The following AGFG2 variants were observed in gnomAD, a reference collection of about 807,000 sequenced individuals.
AGFG2 encodes the protein arf-GAP domain and FG repeat-containing protein 2.
A neutral mutation model predicts 48.0 loss-of-function variants in AGFG2; 31 were observed. That is an observed-to-expected ratio of 0.65 (90% CI 0.49 to 0.87). The LOEUF (loss-of-function observed/expected upper bound fraction) is 0.87, where lower values mean the gene tolerates loss of function less well. Ranked by LOEUF, AGFG2 falls within the 40% of genes least tolerant of loss-of-function variation. The pLI, the probability that AGFG2 is intolerant of heterozygous loss-of-function variation, is 0.00. For synonymous variants in AGFG2, 229 were observed against 260.8 expected (o/e 0.88, Z 1.18); for missense variants, 599 against 632.6 (o/e 0.95, Z 0.57).
At position 100,562,841 on chromosome 7, in the gene AGFG2, G is replaced by A. The variant is rs1359461390; in HGVS notation, c.1088-22G>A. On this transcript the variant is annotated intron_variant, in intron 8 of 11. Coordinates refer to ENST00000300176, the MANE Select transcript of AGFG2 (RefSeq NM_006076.5). This position sits in a 1 kb window ranked among gnomAD's most constrained non-coding sequence, Gnocchi z 5.4. Reference sequence around the variant, plus strand: ...AGTAACCATCTCTCTCTTTCCTGCCGCTCCCCATTCCACCTGGGCAGCCTT... The same window carrying A: ...AGTAACCATCTCTCTCTTTCCTGCCACTCCCCATTCCACCTGGGCAGCCTT... The A allele has an allele frequency of 2.5e-6, 4 of 1,612,546 alleles. No individual in the cohort carries two copies. The highest frequency in any genetic ancestry group is 2.2e-5 in the South Asian group (2 of 91,044).
chr7:100,562,372 C>G lies in AGFG2; in HGVS notation c.991C>G (p.Pro331Ala), dbSNP rs1025245229. The G allele has an allele frequency of 6.2e-7, 1 of 1,613,430 alleles. No homozygotes were observed. The highest frequency in any genetic ancestry group is 8.5e-7 in the Non-Finnish European group (1 of 1,179,756). Residue 331 changes from proline (P) to alanine (A), a missense_variant, in exon 7 of 12, where the codon CCT becomes GCT. Transcript: ENST00000300176. This position sits in a 1 kb window ranked among gnomAD's most constrained non-coding sequence, Gnocchi z 5.4. ...LGPGVPAAGVPSSLFGMAGQV... is the reference protein window; with the variant it reads ...LGPGVPAAGVASSLFGMAGQV... ...ACCCGGGGTGCCCGCTGCAGGTGTT[C>G]CTAGCAGGTAGGTACAGACAGTGGG...
At chr7:100,543,746 T>A (rs971938854) in intron 1 of AGFG2, among the ~76,000 whole-genome samples, 7 of 152,244 alleles carry the variant, frequency 4.6e-5, no homozygotes, top group Non-Finnish European at 8.8e-5. Context: ...TTTTCTCAGC[T>A]GTAGCAAAAA....
rs1312125790 is a variant in AGFG2 at position 100,539,226 on chromosome 7, G to C, written c.-121G>C. ...GTGGTGGACGGCGAAGTCTCCTGCG[G>C]ATGCCGCCCGCTCCCGAGCTTCTGT... On this transcript the variant is annotated 5_prime_UTR_variant, in exon 1 of 12. Transcript: ENST00000300176. 3.8e-6 allele frequency: 4 copies of C among 1,047,118 alleles called. No homozygotes were observed. Among genetic ancestry groups the C allele is most frequent in the East Asian group, 6.5e-5 (2 of 30,906 alleles). The allele number at this position is 1,047,118 out of a possible 1,614,324, so 64.9% of individuals were successfully genotyped here.
Position 100,548,867 on chromosome 7 carries a change from A to G in AGFG2, c.267A>G (p.Thr89=). ...PPHRVKSISM[T]TFTEPEVVFL... is the part of the protein sequence containing the mutation. ...ATCGTGTCAAGTCAATCTCCATGAC[A>G]ACTTTCACTGAGCCTGAAGTAGTAT... is the stretch of plus-strand genomic sequence containing the variant. Residue 89 remains threonine, a synonymous_variant, in exon 2 of 12, where the codon ACA becomes ACG. Coordinates refer to ENST00000300176, the MANE Select transcript of AGFG2 (RefSeq NM_006076.5). 1.2e-6 allele frequency: 2 copies of G among 1,613,852 alleles called. No homozygotes were observed. The highest frequency in any genetic ancestry group is 1.7e-6 in the Non-Finnish European group (2 of 1,179,854).
chr7:100,564,004 C>G (rs955536940), intron 10 of AGFG2, 42 bp downstream of exon 10: 1 of 1,597,328 alleles, frequency 6.3e-7, no homozygotes, highest in Admixed American at 1.7e-5. Flanking sequence ...CCCATCCCAT[C>G]TCTGCATAGA....
At chr7:100,543,787 A>G (rs1051261910) in intron 1 of AGFG2, among the ~76,000 whole-genome samples, 15 of 152,180 alleles carry the variant, frequency 9.9e-5, no homozygotes, top group African/African-American at 3.6e-4. Context: ...GGTTGAGAGA[A>G]AGGCTGCTAG....
rs779138734 is a variant in AGFG2 at position 100,548,838 on chromosome 7, C to G, written c.238C>G (p.Pro80Ala). 6.2e-7 allele frequency: 1 copy of G among 1,613,390 alleles called. No individual in the cohort carries two copies. The highest frequency in any genetic ancestry group is 1.7e-5 in the Admixed American group (1 of 59,972). ...CSGLLRGLNP[P>A]HRVKSISMTT... is the part of the protein sequence containing the mutation. ...CTCCCATAGGAGAGGGCTGAACCCC[C>G]CTCATCGTGTCAAGTCAATCTCCAT... Residue 80 changes from proline (P) to alanine (A), a missense_variant, in exon 2 of 12, where the codon CCT becomes GCT. Pro to Ala is a conservative substitution (Grantham distance 27). Coordinates refer to ENST00000300176, the MANE Select transcript of AGFG2 (RefSeq NM_006076.5).
intron 3 of AGFG2, among the ~76,000 whole-genome samples, chr7:100,550,912 G>T (rs1233052770): frequency 6.8e-6 from 1 of 146,748 alleles, no homozygotes; most frequent in Non-Finnish European, 1.5e-5. Flanking sequence ...CCAGGCTAGA[G>T]TGCAGTGCCA....
intron 5 of AGFG2, 136 bp from the exon 6 acceptor site, chr7:100,555,474 T>C: frequency 2.2e-6 from 2 of 900,120 alleles, no homozygotes; most frequent in African/African-American, 1.7e-5. Context: ...GATTTCACCA[T>C]GTTGACCAGG....
At position 100,562,363 on chromosome 7, in the gene AGFG2, GC is replaced by G; in HGVS notation, c.983del (p.Ala328GlufsTer69). ...GSFLGPGVPA[A>X]GVPSSLFGMA... ...CTTCCTGGGACCCGGGGTGCCCGCT[GC>G]AGGTGTTCCTAGCAGGTAGGTACAG... On this transcript the variant is annotated frameshift_variant, in exon 7 of 12. Coordinates refer to ENST00000300176, the MANE Select transcript of AGFG2 (RefSeq NM_006076.5). LOFTEE classifies it high-confidence loss of function. This position sits in a 1 kb window ranked among gnomAD's most constrained non-coding sequence, Gnocchi z 5.4. 1.2e-6 allele frequency: 2 copies of G among 1,613,670 alleles called. No individual in the cohort carries two copies. The highest frequency in any genetic ancestry group is 3.3e-4 in the Middle Eastern group (2 of 6,060).
chr7:100,551,033 TATATATATA>T (rs1800622795), intron 3 of AGFG2, among the ~76,000 whole-genome samples: 1 of 38,172 alleles, frequency 2.6e-5, no homozygotes, highest in African/African-American at 1.1e-4. Flanking sequence ...GGCTAATTTA[TATATATATA>T]TATATATATA....
At chr7:100,544,670 C>T (rs1800480280) in intron 1 of AGFG2, among the ~76,000 whole-genome samples, 1 of 134,718 alleles carries the variant, frequency 7.4e-6, no homozygotes. Flanking sequence ...GTGCATGAAC[C>T]ACTTGAAAAG....
At chr7:100,558,576 C>G (rs1469968005) in intron 6 of AGFG2, among the ~76,000 whole-genome samples, 1 of 148,448 alleles carries the variant, frequency 6.7e-6, no homozygotes, top group African/African-American at 2.5e-5. Context: ...GAGTCTCACT[C>G]TGTCACCCAG....
chr7:100,563,801 G>A (rs1453794802), intron 9 of AGFG2, 33 bp from the exon 10 acceptor site: 2 of 1,608,468 alleles, frequency 1.2e-6, no homozygotes, highest in Non-Finnish European at 8.5e-7. Context: ...CCTTCCAGAA[G>A]TTCACCTGAG....
In AGFG2 at chr7:100,548,837, C is replaced by A. The variant is rs771240162; in HGVS notation, c.237C>A (p.Pro79=). 16 of 1,613,334 alleles carry A rather than the reference C, an allele frequency of 9.9e-6. 1 individual carries two copies. Among genetic ancestry groups the A allele is most frequent in the Admixed American group, 6.7e-5 (4 of 59,940 alleles). The change falls in exon 2 of 12, where the codon CCC becomes CCA. Residue 79 remains proline (P), a synonymous_variant. Transcript: ENST00000300176. Reference sequence around the variant, plus strand: ...TCTCCCATAGGAGAGGGCTGAACCCCCCTCATCGTGTCAAGTCAATCTCCA... The same window carrying A: ...TCTCCCATAGGAGAGGGCTGAACCCACCTCATCGTGTCAAGTCAATCTCCA... The part of the protein sequence containing the change: ...TCSGLLRGLN[P]PHRVKSISMT...
chr7:100,554,393 C>A, intron 5 of AGFG2, 135 bp downstream of exon 5: 1 of 1,130,912 alleles, frequency 8.8e-7, no homozygotes, highest in East Asian at 2.8e-5. Flanking sequence ...AGCAGTGAGG[C>A]TGGGAGGACT....
In AGFG2 at chr7:100,551,064, ATATT is replaced by A. The variant is rs1235841775; in HGVS notation, c.431+555_431+558del. On this transcript the variant is annotated intron_variant, in intron 3 of 11. Coordinates refer to ENST00000300176, the MANE Select transcript of AGFG2 (RefSeq NM_006076.5). Reference sequence around the variant, plus strand: ...TATATATATATATATATATATATATATATTTCTTTTTTTTTTTTTTTTTGAGACA... The same window carrying A: ...TATATATATATATATATATATATATATCTTTTTTTTTTTTTTTTTGAGACA... Among the ~76,000 whole-genome samples the A allele has an allele frequency of 7.7e-5, 6 of 78,342 alleles. 1 individual carries two copies. In the East Asian group the frequency reaches 1.1e-3, roughly 14 times the overall value. The allele number at this position is 78,342 out of a possible 152,430, so 51.4% of individuals were successfully genotyped here.
At chr7:100,551,172 C>T in intron 3 of AGFG2, among the ~76,000 whole-genome samples, 1 of 148,418 alleles carries the variant, frequency 6.7e-6, no homozygotes. Flanking sequence ...CAGGTTCACG[C>T]CATTCTCCTG....
rs1212197801 is a variant in AGFG2, at chr7:100,566,997, G to A, written c.*2006G>A. On this transcript the variant is annotated 3_prime_UTR_variant, in exon 12 of 12. Coordinates refer to ENST00000300176, the MANE Select transcript of AGFG2 (RefSeq NM_006076.5). ...CGAGGTTTGGAACTGAGGCTAAACCGAAGGGCTTTCTCCTGCTTCTGTCAC... is the reference window on the plus strand; with the variant it reads ...CGAGGTTTGGAACTGAGGCTAAACCAAAGGGCTTTCTCCTGCTTCTGTCAC... 80 of 152,520 alleles carry A rather than the reference G, an allele frequency of 5.2e-4. No homozygotes were observed. Among genetic ancestry groups the A allele is most frequent in the Non-Finnish European group, 2.9e-5 (2 of 68,092 alleles). 9.4% of individuals were successfully genotyped at this position (152,520 alleles called of 1,614,324 possible).
Sources: allele counts gnomAD v4.1 joint callset (sites outside exome capture counted in the v4.1 genomes callset), GRCh38; gene constraint gnomAD v4.1.1; non-coding constraint Gnocchi (gnomAD v3.1); transcripts MANE v1.5; gene names NCBI Gene and HGNC (gene_info 2026-07-23, HGNC 2026-07-21).